Variants in TRPA1 observed in about 807,000 individuals in gnomAD.
TRPA1 encodes transient receptor potential cation channel subfamily A member 1.
In TRPA1, 129 loss-of-function variants were observed where a neutral mutation model predicts 131.3. The observed-to-expected ratio is 0.98, with a 90% CI of 0.85 to 1.14. TRPA1 has a LOEUF of 1.14. TRPA1 is among the 50% of genes most tolerant of loss of function. The pLI, the probability that TRPA1 is intolerant of heterozygous loss-of-function variation, is 0.00. For missense variants in TRPA1, 1,304 were observed against 1,354.2 expected (o/e 0.96, Z 0.58); for synonymous variants, 441 against 451.7 (o/e 0.98, Z 0.30).
intron 25 of TRPA1, among the ~76,000 whole-genome samples, chr8:72,025,041 T>C (rs1367732005): frequency 1.3e-5 from 2 of 152,096 alleles, no homozygotes; most frequent in African/African-American, 4.8e-5. Flanking sequence ...AATGCAATTG[T>C]CTTGCTTAGT....
intron 17 of TRPA1, among the ~76,000 whole-genome samples, chr8:72,043,288 A>G (rs529512428): frequency 2.0e-5 from 3 of 151,974 alleles, no homozygotes; most frequent in African/African-American, 7.2e-5. Flanking sequence ...TTATAGAAAA[A>G]GGGATAATTA....
the TRPA1 span, among the ~76,000 whole-genome samples, chr8:72,082,231 A>T: frequency 6.6e-6 from 1 of 151,964 alleles, no homozygotes; most frequent in Non-Finnish European, 1.5e-5. Context: ...AAACTATGGC[A>T]ATGTTCCTCC....
intron 2 of TRPA1, among the ~76,000 whole-genome samples, chr8:72,071,027 T>C (rs1311571854): frequency 1.3e-5 from 2 of 152,224 alleles, no homozygotes; most frequent in Admixed American, 6.5e-5. Flanking sequence ...GCCCTTTCTC[T>C]TCCCATTTAT....
chr8:72,034,838 C>T (rs1031260794), intron 21 of TRPA1, among the ~76,000 whole-genome samples: 7 of 152,178 alleles, frequency 4.6e-5, no homozygotes, highest in Admixed American at 6.5e-5. Context: ...TCACTGTGCC[C>T]GGCCCTAATG....
chr8:72,085,545 C>T, the TRPA1 span, among the ~76,000 whole-genome samples: 3 of 151,770 alleles, frequency 2.0e-5, no homozygotes, highest in Non-Finnish European at 4.4e-5. Context: ...ACTTGAATTT[C>T]ATTTTTACTA....
upstream of TRPA1, among the ~76,000 whole-genome samples, chr8:72,080,383 A>T (rs1806266030): frequency 6.9e-6 from 1 of 144,594 alleles, no homozygotes; most frequent in Non-Finnish European, 1.5e-5. Flanking sequence ...TATTAAGATG[A>T]TCACATGTTT....
chr8:72,030,861 G>A (rs1048931811), intron 23 of TRPA1, among the ~76,000 whole-genome samples: 1 of 152,212 alleles, frequency 6.6e-6, no homozygotes, highest in African/African-American at 2.4e-5. Flanking sequence ...AATTAGCTGG[G>A]GGGAAGCTGT....
upstream of TRPA1, among the ~76,000 whole-genome samples, chr8:72,078,501 A>C (rs1806230555): frequency 6.6e-6 from 1 of 152,134 alleles, no homozygotes; most frequent in African/African-American, 2.4e-5. Context: ...ACATGGAGTC[A>C]TACACTATGT....
At chr8:72,066,064 T>C (rs1344997407) in intron 3 of TRPA1, among the ~76,000 whole-genome samples, 3 of 152,126 alleles carry the variant, frequency 2.0e-5, no homozygotes, top group Admixed American at 2.0e-4. Flanking sequence ...TGCAAGAATT[T>C]TGGGACATGT....
Position 72,038,875 on chromosome 8 carries a change from A to G in TRPA1, c.2285T>C (p.Leu762Pro), listed in dbSNP as rs1812149820. Residue 762 changes from leucine to proline, a missense_variant, in exon 19 of 27, where the codon CTA becomes CCA. Leu to Pro is a moderately conservative substitution (Grantham distance 98, BLOSUM62 -3). Transcript: ENST00000262209. ...INETSDHSEILDTTNSYLIKT... is the reference protein window; with the variant it reads ...INETSDHSEIPDTTNSYLIKT... ...AAAATTTGAAATTACCGTGGTATCT[A>G]GTATTTCTGAATGATCACTAGTTTC... 6.2e-7 allele frequency: 1 copy of G among 1,611,586 alleles called. No individual in the cohort carries two copies. Among genetic ancestry groups the G allele is most frequent in the East Asian group, 2.2e-5 (1 of 44,746 alleles).
At chr8:72,024,631 G>T (rs1811517773) in intron 25 of TRPA1, among the ~76,000 whole-genome samples, 1 of 152,162 alleles carries the variant, frequency 6.6e-6, no homozygotes, top group Non-Finnish European at 1.5e-5. Context: ...TAGGGGATAT[G>T]TCAGGAGAGG....
In TRPA1 at chr8:72,022,491, G is replaced by A; in HGVS notation, c.*415C>T. 6.2e-6 allele frequency: 2 copies of A among 322,622 alleles called. No individual in the cohort carries two copies. The highest frequency in any genetic ancestry group is 1.2e-5 in the Non-Finnish European group (2 of 167,344). The allele number at this position is 322,622 out of a possible 1,614,324, so 20.0% of individuals were successfully genotyped here. A position where few individuals can be genotyped will look rare whatever the true frequency, so the allele number is the denominator to read the frequency against. Reference sequence around the variant, plus strand: ...CCTAATATTTAAGACTATCATCTAAGGCATTATTAATACTTGTGACTATTT... The same window carrying A: ...CCTAATATTTAAGACTATCATCTAAAGCATTATTAATACTTGTGACTATTT... On this transcript the variant is annotated 3_prime_UTR_variant, in exon 27 of 27. Coordinates refer to ENST00000262209, the MANE Select transcript of TRPA1 (RefSeq NM_007332.3).
At chr8:72,077,232 T>A (rs1422609869), upstream of TRPA1, among the ~76,000 whole-genome samples, 1 of 146,464 alleles carries the variant, frequency 6.8e-6, no homozygotes, top group Non-Finnish European at 1.5e-5. Context: ...AGTGGGCATG[T>A]CATGGCAGCA....
intron 4 of TRPA1, among the ~76,000 whole-genome samples, chr8:72,064,740 T>G (rs1805889724): frequency 6.6e-6 from 1 of 152,104 alleles, no homozygotes; most frequent in Non-Finnish European, 1.5e-5. Flanking sequence ...GATGCTGGCC[T>G]AGATAACATA....
At position 72,063,482 on chromosome 8, in the gene TRPA1, C is replaced by T; in HGVS notation, c.642G>A (p.Met214Ile). 2.5e-6 allele frequency: 4 copies of T among 1,612,468 alleles called. No individual in the cohort carries two copies. The highest frequency in any genetic ancestry group is 3.4e-6 in the Non-Finnish European group (4 of 1,178,720). Residue 214 changes from methionine to isoleucine, a missense_variant, in exon 5 of 27, where the codon ATG becomes ATA. Physicochemically the swap from Met to Ile is conservative, Grantham distance 10. Coordinates refer to ENST00000262209, the MANE Select transcript of TRPA1 (RefSeq NM_007332.3). ...QAAFSGSKEC[M>I]EIILRFGEEH... ...ACTCACCAAACCTTAGTATTATTTCCATGCATTCTTTGGAACCTGAAAATG... is the reference window on the plus strand; with the variant it reads ...ACTCACCAAACCTTAGTATTATTTCTATGCATTCTTTGGAACCTGAAAATG...
chr8:72,037,407 C>T (rs1245390916), intron 20 of TRPA1, among the ~76,000 whole-genome samples: 1 of 152,014 alleles, frequency 6.6e-6, no homozygotes, highest in Non-Finnish European at 1.5e-5. Context: ...CATTTATCAA[C>T]CAAAGGTAGG....
the TRPA1 span, among the ~76,000 whole-genome samples, chr8:72,082,502 T>C: frequency 3.3e-5 from 5 of 152,082 alleles, no homozygotes; most frequent in Non-Finnish European, 7.4e-5. Flanking sequence ...TACTATTTTC[T>C]TTCAATATGA....
At chr8:72,047,886 C>G (rs1805386967) in intron 15 of TRPA1, among the ~76,000 whole-genome samples, 1 of 152,022 alleles carries the variant, frequency 6.6e-6, no homozygotes, top group Non-Finnish European at 1.5e-5. Flanking sequence ...GGGTACCTTA[C>G]TGTGACAACT....
Position 72,056,954 on chromosome 8 carries a change from G to T in TRPA1, c.1157C>A (p.Pro386His), listed in dbSNP as rs752350043. The stretch of plus-strand genomic sequence containing the variant: ...AGGTCGCAGATTTTTTAATCCATAA[G>T]GTTGCTGTACAGTTAAATGCAGAAA... ...RNFLHLTVQQ[P>H]YGLKNLRPEF... Residue 386 changes from proline (P) to histidine (H), a missense_variant, in exon 10 of 27, where the codon CCT (proline) becomes CAT (histidine). By Grantham distance (77) the Pro-to-His change is moderately conservative. Transcript: ENST00000262209. 2 of 1,609,486 alleles carry T rather than the reference G, an allele frequency of 1.2e-6. No individual in the cohort carries two copies. The highest frequency in any genetic ancestry group is 2.2e-5 in the South Asian group (2 of 90,634).
Sources: gnomAD v4.1 joint callset for allele counts (sites outside exome capture counted in the v4.1 genomes callset) on GRCh38, gnomAD v4.1.1 for gene constraint, MANE v1.5 for transcripts, NCBI Gene and HGNC (gene_info 2026-07-23, HGNC 2026-07-21) for gene names.